The following TENM3 variants were observed in gnomAD, a reference collection of about 807,000 sequenced individuals.
The protein encoded by TENM3 is teneurin-3.
TENM3 carries 63 observed loss-of-function variants against 255.1 expected under a neutral mutation model. The observed-to-expected ratio is 0.25, with a 90% CI of 0.20 to 0.30. The LOEUF is 0.30. Ranked by LOEUF, TENM3 falls within the 10% of genes least tolerant of loss-of-function variation. TENM3 has a pLI of 1.00. For synonymous variants in TENM3, 1,306 were observed against 1,322.3 expected (o/e 0.99, Z 0.27); for missense variants, 2,929 against 3,461.1 (o/e 0.85, Z 3.86).
upstream of TENM3, among the ~76,000 whole-genome samples, chr4:182,239,416 A>G (rs540632053): frequency 1.1e-4 from 16 of 152,182 alleles, no homozygotes; most frequent in Non-Finnish European, 2.2e-4. Flanking sequence ...TATTGAAACT[A>G]TTGCTTCTGC....
chr4:181,798,241 C>T, the TENM3 span, among the ~76,000 whole-genome samples: 3 of 152,032 alleles, frequency 2.0e-5, no homozygotes, highest in Non-Finnish European at 2.9e-5. Context: ...AGCTAAGAGA[C>T]GCATCTTGGG....
the TENM3 span, among the ~76,000 whole-genome samples, chr4:181,733,919 A>G: frequency 6.6e-6 from 1 of 152,202 alleles, no homozygotes; most frequent in Non-Finnish European, 1.5e-5. Flanking sequence ...CAAATCTTTG[A>G]AAGAAAAAGT....
chr4:182,486,719 C>T (rs1734770335), intron 3 of TENM3, among the ~76,000 whole-genome samples: 1 of 152,150 alleles, frequency 6.6e-6, no homozygotes, highest in African/African-American at 2.4e-5. Flanking sequence ...TGGACTGTGT[C>T]TTACCTTCTC....
chr4:182,149,182 A>G lies in TENM3; in HGVS notation c.-76+4428A>G, dbSNP rs187913842. Among the ~76,000 whole-genome samples, 179 of 152,074 alleles carry G rather than the reference A, an allele frequency of 1.2e-3. 3 individuals are homozygous for G. Among genetic ancestry groups the G allele is most frequent in the Admixed American group, 0.011 (163 of 15,262 alleles). On this transcript the variant is annotated intron_variant, in intron 1 of 2. Transcript: ENST00000512480. ...CTTGGCATCGGATTGGTGTTTTTCCAGCTTAAGACATCCATTTAAAATAGT... is the reference window on the plus strand; with the variant it reads ...CTTGGCATCGGATTGGTGTTTTTCCGGCTTAAGACATCCATTTAAAATAGT...
At chr4:182,647,374 C>T (rs1283084229) in intron 5 of TENM3, among the ~76,000 whole-genome samples, 2 of 152,196 alleles carry the variant, frequency 1.3e-5, no homozygotes, top group Admixed American at 1.3e-4. Context: ...CAACAACTCT[C>T]CATTTCTCCA....
intron 22 of TENM3, among the ~76,000 whole-genome samples, chr4:182,760,234 T>C (rs1763068665): frequency 6.6e-6 from 1 of 152,190 alleles, no homozygotes; most frequent in African/African-American, 2.4e-5. Context: ...GATCATTCCT[T>C]AGCCAGAGTA....
intron 3 of TENM3, among the ~76,000 whole-genome samples, chr4:182,438,174 T>C (rs1772187160): frequency 6.6e-6 from 1 of 152,160 alleles, no homozygotes; most frequent in African/African-American, 2.4e-5. Flanking sequence ...CTAGAGAATT[T>C]ATAGAGAAGT....
intron 1 of TENM3, among the ~76,000 whole-genome samples, chr4:182,222,635 G>A (rs914811628): frequency 2.6e-5 from 4 of 152,148 alleles, no homozygotes; most frequent in East Asian, 1.9e-4. Flanking sequence ...ACAAGAAATC[G>A]TGCATCATCA....
chr4:182,624,488 T>C (rs1393645483), intron 4 of TENM3, among the ~76,000 whole-genome samples: 1 of 152,156 alleles, frequency 6.6e-6, no homozygotes. Context: ...CTTGGAGTCT[T>C]GCCACTTCCC....
At chr4:182,762,903 G>A (rs994287065) in intron 22 of TENM3, among the ~76,000 whole-genome samples, 7 of 147,356 alleles carry the variant, frequency 4.8e-5, no homozygotes, top group Non-Finnish European at 9.0e-5. Context: ...ACCACTTCTC[G>A]TAAACACACG....
chr4:182,377,045 G>T (rs17073200), intron 3 of TENM3, among the ~76,000 whole-genome samples: 3,354 of 152,120 alleles, frequency 0.022, 79 homozygotes, highest in African/African-American at 0.059. Context: ...TAATCCGTCC[G>T]CACTGTCTCC....
the TENM3 span, among the ~76,000 whole-genome samples, chr4:182,069,778 G>A: frequency 9.2e-5 from 14 of 151,940 alleles, no homozygotes; most frequent in Admixed American, 7.9e-4. Context: ...CCTCTGCTCA[G>A]AAATCTTGAC....
chr4:181,820,773 A>G, the TENM3 span, among the ~76,000 whole-genome samples: 1 of 152,080 alleles, frequency 6.6e-6, no homozygotes, highest in Non-Finnish European at 1.5e-5. Flanking sequence ...CCTCCCCCAC[A>G]CTGGTTTAGC....
intron 13 of TENM3, among the ~76,000 whole-genome samples, chr4:182,722,421 C>T (rs1473887933): frequency 2.6e-5 from 4 of 152,038 alleles, no homozygotes; most frequent in East Asian, 1.9e-4. Context: ...GCCTACTTGG[C>T]GCCAGCAAGT....
At chr4:182,240,824 T>G (rs1757206095), upstream of TENM3, among the ~76,000 whole-genome samples, 1 of 152,194 alleles carries the variant, frequency 6.6e-6, no homozygotes, top group Non-Finnish European at 1.5e-5. Context: ...GCTGCTGTTT[T>G]GCCTGTTTGT....
the TENM3 span, among the ~76,000 whole-genome samples, chr4:181,464,138 C>T: frequency 6.6e-6 from 1 of 152,144 alleles, no homozygotes; most frequent in East Asian, 1.9e-4. Flanking sequence ...TGTGTGGACA[C>T]ATGTTTTCAT....
At chr4:182,120,271 T>C in the TENM3 span, among the ~76,000 whole-genome samples, 1 of 152,206 alleles carries the variant, frequency 6.6e-6, no homozygotes, top group African/African-American at 2.4e-5. Flanking sequence ...CTGTACAGGT[T>C]TGTAGCCTAG....
the TENM3 span, among the ~76,000 whole-genome samples, chr4:181,870,921 C>A: frequency 0.96 from 146,387 of 152,142 alleles, 70,679 homozygotes; most frequent in East Asian, 1. Context: ...AATTGGATCT[C>A]TGATTATCTT....
At chr4:181,996,433 C>G in the TENM3 span, among the ~76,000 whole-genome samples, 1 of 152,066 alleles carries the variant, frequency 6.6e-6, no homozygotes, top group Non-Finnish European at 1.5e-5. Context: ...AGCACAAGGA[C>G]TCTGAGAGCC....
Sources: gnomAD v4.1 joint callset for allele counts (sites outside exome capture counted in the v4.1 genomes callset) on GRCh38, gnomAD v4.1.1 for gene constraint, MANE v1.5 for transcripts, NCBI Gene and HGNC (gene_info 2026-07-23, HGNC 2026-07-21) for gene names.